Variants in LHFPL6 observed in about 807,000 individuals in gnomAD.
The protein encoded by LHFPL6 is LHFPL tetraspan subfamily member 6 protein.
Under a neutral mutation model 20.6 loss-of-function variants are expected in LHFPL6, and 9 were observed. That is an observed-to-expected ratio of 0.44 (90% CI 0.26 to 0.76). The LOEUF is 0.76. Ranked by LOEUF, LHFPL6 falls within the 30% of genes least tolerant of loss-of-function variation. LHFPL6 has a pLI of 0.20. For synonymous variants in LHFPL6, 105 were observed against 98.7 expected (o/e 1.06, Z -0.38); for missense variants, 218 against 253.5 (o/e 0.86, Z 0.95).
intron 2 of LHFPL6, among the ~76,000 whole-genome samples, chr13:39,511,020 C>T (rs941017641): frequency 2.0e-5 from 3 of 151,986 alleles, no homozygotes; most frequent in Non-Finnish European, 4.4e-5. Context: ...TTACAGGTGC[C>T]CACCACCACG....
intron 2 of LHFPL6, among the ~76,000 whole-genome samples, chr13:39,591,929 C>T (rs952856388): frequency 6.6e-6 from 1 of 152,046 alleles, no homozygotes; most frequent in African/African-American, 2.4e-5. Flanking sequence ...AACACCGTCT[C>T]TACTAAAAAT....
chr13:39,544,652 T>C (rs1256977614), intron 2 of LHFPL6, among the ~76,000 whole-genome samples: 1 of 151,384 alleles, frequency 6.6e-6, no homozygotes, highest in Non-Finnish European at 1.5e-5. Flanking sequence ...GAATGATTCT[T>C]TCCTTATAAA....
At chr13:39,522,683 T>C (rs770275311) in intron 2 of LHFPL6, among the ~76,000 whole-genome samples, 1 of 152,242 alleles carries the variant, frequency 6.6e-6, no homozygotes, top group Non-Finnish European at 1.5e-5. Context: ...TCTGTATATA[T>C]TGGAGAGAAA....
intron 2 of LHFPL6, among the ~76,000 whole-genome samples, chr13:39,489,480 A>G (rs1331430865): frequency 6.6e-6 from 1 of 151,918 alleles, no homozygotes; most frequent in Admixed American, 6.6e-5. Flanking sequence ...AGAAAATAAT[A>G]TGATTCCATG....
chr13:39,488,884 G>A (rs1373908620), intron 2 of LHFPL6, among the ~76,000 whole-genome samples: 1 of 152,076 alleles, frequency 6.6e-6, no homozygotes, highest in Non-Finnish European at 1.5e-5. Flanking sequence ...ATTCAACCAT[G>A]GGACTTTGCA....
intron 2 of LHFPL6, among the ~76,000 whole-genome samples, chr13:39,586,169 G>C (rs894233126): frequency 2.5e-5 from 1 of 40,198 alleles, no homozygotes; most frequent in African/African-American, 1.0e-4. Context: ...TAATTATTGT[G>C]TGTATATATA....
intron 2 of LHFPL6, among the ~76,000 whole-genome samples, chr13:39,403,916 C>G (rs1349707740): frequency 1.3e-5 from 2 of 152,034 alleles, no homozygotes; most frequent in African/African-American, 4.8e-5. Flanking sequence ...GGATATGTGC[C>G]CAGCATTGGT....
intron 2 of LHFPL6, among the ~76,000 whole-genome samples, chr13:39,573,484 G>A (rs1212009815): frequency 6.6e-6 from 1 of 152,058 alleles, no homozygotes; most frequent in East Asian, 1.9e-4. Flanking sequence ...CATCAAAATA[G>A]ATTAAAATTT....
intron 2 of LHFPL6, among the ~76,000 whole-genome samples, chr13:39,537,314 C>T (rs191101646): frequency 1.3e-5 from 2 of 152,226 alleles, no homozygotes; most frequent in African/African-American, 4.8e-5. Flanking sequence ...GTATAAAACA[C>T]AAGTTTATGA....
intron 2 of LHFPL6, among the ~76,000 whole-genome samples, chr13:39,430,124 T>A: frequency 6.6e-6 from 1 of 152,252 alleles, no homozygotes; most frequent in East Asian, 1.9e-4. Context: ...TAAATACTAC[T>A]GCAGTGTATG....
intron 2 of LHFPL6, among the ~76,000 whole-genome samples, chr13:39,416,605 G>A (rs530148689): frequency 1.3e-3 from 197 of 152,280 alleles, no homozygotes; most frequent in African/African-American, 4.3e-3. Context: ...GAGAACAGTG[G>A]TATCAGTTTC....
intron 2 of LHFPL6, among the ~76,000 whole-genome samples, chr13:39,390,571 G>A (rs1299669705): frequency 2.6e-5 from 4 of 152,142 alleles, no homozygotes; most frequent in South Asian, 4.2e-4. Flanking sequence ...GGTGAGAGAC[G>A]AAATACTACC....
chr13:39,388,607 T>C (rs945905017), intron 2 of LHFPL6, among the ~76,000 whole-genome samples: 3 of 152,134 alleles, frequency 2.0e-5, no homozygotes, highest in African/African-American at 7.2e-5. Context: ...GGGAAAATTA[T>C]GAGGAGGGGG....
At chr13:39,595,372 A>C (rs561479545) in intron 2 of LHFPL6, among the ~76,000 whole-genome samples, 1 of 152,056 alleles carries the variant, frequency 6.6e-6, no homozygotes, top group African/African-American at 2.4e-5. Context: ...GGCTCACTGC[A>C]ATCTCAGCCT....
At chr13:39,489,699 C>T (rs755834143) in intron 2 of LHFPL6, among the ~76,000 whole-genome samples, 7 of 151,796 alleles carry the variant, frequency 4.6e-5, no homozygotes, top group South Asian at 2.1e-4. Flanking sequence ...ACTACAGGCA[C>T]GCACCACCAT....
At chr13:39,401,154 A>G (rs988006481) in intron 2 of LHFPL6, among the ~76,000 whole-genome samples, 20 of 152,210 alleles carry the variant, frequency 1.3e-4, no homozygotes, top group African/African-American at 4.8e-4. Context: ...CAACAATTAC[A>G]TAACCCCTGA....
At chr13:39,545,882 T>A (rs1261055854) in intron 2 of LHFPL6, among the ~76,000 whole-genome samples, 1 of 152,226 alleles carries the variant, frequency 6.6e-6, no homozygotes, top group African/African-American at 2.4e-5. Flanking sequence ...ATCTGCCCTA[T>A]CAACATAGTG....
chr13:39,514,070 T>C (rs555876664), intron 2 of LHFPL6, among the ~76,000 whole-genome samples: 2 of 152,252 alleles, frequency 1.3e-5, no homozygotes, highest in South Asian at 4.1e-4. Flanking sequence ...AAGAAGGTTT[T>C]AGCTGAGGAT....
At chr13:39,471,027 T>C (rs1302454166) in intron 2 of LHFPL6, among the ~76,000 whole-genome samples, 2 of 152,180 alleles carry the variant, frequency 1.3e-5, no homozygotes, top group Non-Finnish European at 2.9e-5. Flanking sequence ...AACTACATAG[T>C]TGAGGAAGAC....
Sources: allele counts gnomAD v4.1 joint callset (sites outside exome capture counted in the v4.1 genomes callset), GRCh38; gene constraint gnomAD v4.1.1; transcripts MANE v1.5; gene names NCBI Gene and HGNC (gene_info 2026-07-23, HGNC 2026-07-21).